MIR2052HG: variants seen among roughly 807,000 people sequenced by gnomAD.
MIR2052HG encodes MIR2052 host gene.
chr8:74,613,829 C>T (rs1015499378), intron 2 of MIR2052HG, among the ~76,000 whole-genome samples: 2 of 152,104 alleles, frequency 1.3e-5, no homozygotes, highest in African/African-American at 4.8e-5. Flanking sequence ...ATTTGTTGAT[C>T]TGGTTTTGAG....
intron 4 of MIR2052HG, among the ~76,000 whole-genome samples, chr8:74,734,221 A>G (rs1284644254): frequency 6.6e-6 from 1 of 152,234 alleles, no homozygotes; most frequent in Non-Finnish European, 1.5e-5. Context: ...AGAAAATTCT[A>G]GGCTTAAATG....
At chr8:74,721,926 C>A (rs1451555432) in intron 4 of MIR2052HG, among the ~76,000 whole-genome samples, 1 of 152,224 alleles carries the variant, frequency 6.6e-6, no homozygotes, top group Non-Finnish European at 1.5e-5. Context: ...GGCATAGTGG[C>A]TCATGCCTCA....
chr8:74,638,028 G>T (rs1443440009), intron 2 of MIR2052HG, among the ~76,000 whole-genome samples: 1 of 152,100 alleles, frequency 6.6e-6, no homozygotes, highest in Non-Finnish European at 1.5e-5. Flanking sequence ...GCAATAAATT[G>T]TGATGAGTAT....
intron 4 of MIR2052HG, among the ~76,000 whole-genome samples, chr8:74,748,964 G>T (rs965350581): frequency 6.6e-6 from 1 of 152,110 alleles, no homozygotes; most frequent in Non-Finnish European, 1.5e-5. Flanking sequence ...TGGTGGGTCT[G>T]CTTTTCTGTT....
At chr8:74,735,726 G>A (rs765682405) in intron 4 of MIR2052HG, among the ~76,000 whole-genome samples, 8 of 152,122 alleles carry the variant, frequency 5.3e-5, no homozygotes, top group Non-Finnish European at 1.0e-4. Flanking sequence ...TAAAAGTTCC[G>A]GGTGATCCTT....
At chr8:74,698,170 A>G (rs34040519) in intron 2 of MIR2052HG, among the ~76,000 whole-genome samples, 5,361 of 152,268 alleles carry the variant, frequency 0.035, 118 homozygotes, top group Middle Eastern at 0.061. Flanking sequence ...ACACAAACCA[A>G]TGGAACAGAA....
rs369453238 is a variant in MIR2052HG at position 74,620,635 on chromosome 8, G to C, written n.216+7695G>C. On this transcript the variant is annotated intron_variant and non_coding_transcript_variant, in intron 2 of 6. Coordinates refer to ENST00000523442, the Ensembl canonical transcript of MIR2052HG. ...GCTGTATGCTGACCCTTTTTAGCCA[G>C]GGCTGGAGCTGAAGCAGCTGGGACA... 3.3e-5 allele frequency among the ~76,000 whole-genome samples: 5 copies of C among 152,222 alleles called. No individual in the cohort carries two copies. In the East Asian group the frequency reaches 7.7e-4, roughly 23 times the overall value.
At chr8:74,626,827 C>T (rs1808443469) in intron 2 of MIR2052HG, among the ~76,000 whole-genome samples, 1 of 152,208 alleles carries the variant, frequency 6.6e-6, no homozygotes, top group African/African-American at 2.4e-5. Context: ...GTTGTCTACA[C>T]TGCAGCCAGA....
rs573917479 is a variant in MIR2052HG, at chr8:74,653,028, T to C, written n.216+40088T>C. On this transcript the variant is annotated intron_variant and non_coding_transcript_variant, in intron 2 of 6. Coordinates refer to ENST00000523442, the Ensembl canonical transcript of MIR2052HG. ...CATAGTGATATTTATCCTTACCTTATTCTGTCTCTTTAGCTATACCTAAAC... is the reference window on the plus strand; with the variant it reads ...CATAGTGATATTTATCCTTACCTTACTCTGTCTCTTTAGCTATACCTAAAC... 4.6e-5 allele frequency among the ~76,000 whole-genome samples: 7 copies of C among 152,350 alleles called. No individual in the cohort carries two copies. In the East Asian group the frequency reaches 1.4e-3, roughly 29 times the overall value.
At chr8:74,626,870 C>T (rs1198414769) in intron 2 of MIR2052HG, among the ~76,000 whole-genome samples, 1 of 152,212 alleles carries the variant, frequency 6.6e-6, no homozygotes, top group Admixed American at 6.5e-5. Flanking sequence ...CAGATTATAA[C>T]ACAGGCTGCT....
intron 2 of MIR2052HG, among the ~76,000 whole-genome samples, chr8:74,671,516 T>G (rs1457840031): frequency 2.0e-5 from 3 of 152,156 alleles, no homozygotes; most frequent in Non-Finnish European, 4.4e-5. Context: ...TTACTCTCAT[T>G]TTAAAAGCTG....
At chr8:74,665,920 T>C (rs1450499475) in intron 2 of MIR2052HG, among the ~76,000 whole-genome samples, 1 of 152,190 alleles carries the variant, frequency 6.6e-6, no homozygotes, top group African/African-American at 2.4e-5. Flanking sequence ...TGCTGCCATG[T>C]AAGACATGCC....
At position 74,602,815 on chromosome 8, in the gene MIR2052HG, G is replaced by GTCTTTCTTTCTT. The variant is rs1338395340; in HGVS notation, n.128+2908_128+2909insCTTTCTTTCTTT. ...TGGATGTGAGCTGCCATGCCCGGCCGTGTTTCTTTCTTTCTTTCTTTCTTT... is the reference window on the plus strand; with the variant it reads ...TGGATGTGAGCTGCCATGCCCGGCCGTCTTTCTTTCTTTGTTTCTTTCTTTCTTTCTTTCTTT... On this transcript the variant is annotated intron_variant and non_coding_transcript_variant, in intron 1 of 6. Transcript: ENST00000523442. 1.7e-3 allele frequency among the ~76,000 whole-genome samples: 39 copies of GTCTTTCTTTCTT among 22,554 alleles called. 1 individual carries two copies. Among genetic ancestry groups the GTCTTTCTTTCTT allele is most frequent in the South Asian group, 3.2e-3 (3 of 944 alleles). 14.8% of individuals were successfully genotyped at this position (22,554 alleles called of 152,430 possible). A position where few individuals can be genotyped will look rare whatever the true frequency, so the allele number is the denominator to read the frequency against.
rs190898348 is a variant in MIR2052HG at position 74,727,682 on chromosome 8, A to G, written n.371+24000A>G. ...ATTTTTTTCTAGTTTAGCAGTTATT[A>G]TGCATCTACTGACTTGGTTAGCTAC... On this transcript the variant is annotated intron_variant and non_coding_transcript_variant, in intron 4 of 6. Coordinates refer to ENST00000523442, the Ensembl canonical transcript of MIR2052HG. Among the ~76,000 whole-genome samples the G allele has an allele frequency of 8.6e-4, 131 of 152,344 alleles. 3 individuals carry two copies. The East Asian group carries it at 0.018, about 21-fold the overall frequency.
chr8:74,653,160 A>G (rs184690032), intron 2 of MIR2052HG, among the ~76,000 whole-genome samples: 1 of 152,318 alleles, frequency 6.6e-6, no homozygotes, highest in Non-Finnish European at 1.5e-5. Context: ...AAGTTTCACC[A>G]ATATTTTATA....
chr8:74,712,790 A>C (rs1809483253), intron 4 of MIR2052HG, among the ~76,000 whole-genome samples: 1 of 151,944 alleles, frequency 6.6e-6, no homozygotes, highest in South Asian at 2.1e-4. Context: ...GATTGAGATA[A>C]TGTTCTATAT....
At chr8:74,654,626 G>A (rs1006872748) in intron 2 of MIR2052HG, among the ~76,000 whole-genome samples, 18 of 152,142 alleles carry the variant, frequency 1.2e-4, no homozygotes, top group South Asian at 2.1e-4. Flanking sequence ...TACATTTTGC[G>A]TCCTGCCATG....
chr8:74,686,447 G>A (rs1586913850), intron 2 of MIR2052HG, among the ~76,000 whole-genome samples: 1 of 151,900 alleles, frequency 6.6e-6, no homozygotes, highest in Non-Finnish European at 1.5e-5. Flanking sequence ...ATCAGTATTG[G>A]TCATCCATCT....
chr8:74,742,554 C>T (rs1376709512), intron 4 of MIR2052HG, among the ~76,000 whole-genome samples: 1 of 151,918 alleles, frequency 6.6e-6, no homozygotes, highest in Non-Finnish European at 1.5e-5. Flanking sequence ...GAGTGAGGCA[C>T]CAACCACATT....
Sources: gnomAD v4.1 joint callset for allele counts (sites outside exome capture counted in the v4.1 genomes callset) on GRCh38, gnomAD v4.1.1 for gene constraint, MANE v1.5 for transcripts, NCBI Gene and HGNC (gene_info 2026-07-23, HGNC 2026-07-21) for gene names.